CDH22: variants seen among roughly 807,000 people sequenced by gnomAD.
CDH22 encodes cadherin 22.
Under a neutral mutation model 58.4 loss-of-function variants are expected in CDH22, and 30 were observed. That is an observed-to-expected ratio of 0.51 (90% confidence interval 0.38 to 0.70). The LOEUF (loss-of-function observed/expected upper bound fraction) is 0.70, where lower values mean the gene tolerates loss of function less well. CDH22 is among the 30% of genes least tolerant of loss of function. The pLI is 0.00. For synonymous variants in CDH22, 513 were observed against 558.2 expected (o/e 0.92, Z 1.14); for missense variants, 1,014 against 1,233.9 (o/e 0.82, Z 2.67).
At position 46,291,222 on chromosome 20, in the gene CDH22, A is replaced by G. The variant is rs183449226; in HGVS notation, c.-400+17033T>C. 3.8e-3 allele frequency among the ~76,000 whole-genome samples: 573 copies of G among 152,352 alleles called. 8 individuals carry two copies. The highest frequency in any genetic ancestry group is 0.022 in the Admixed American group (343 of 15,300). On this transcript the variant is annotated intron_variant, in intron 1 of 11. Transcript: ENST00000537909. ...AACCTGGGAGGCAGAGGTTGCAGTG[A>G]GCAGAGATCGCGCCACTGCACTCCA...
At chr20:46,262,405 GC>G (rs1600720313) in intron 1 of CDH22, among the ~76,000 whole-genome samples, 1 of 151,962 alleles carries the variant, frequency 6.6e-6, no homozygotes, top group Non-Finnish European at 1.5e-5. Context: ...CCCCAGTCTT[GC>G]CCCCCGCCCC....
At chr20:46,250,993 G>A (rs1437946673) in intron 2 of CDH22, 47 bp downstream of exon 2, 7 of 1,170,534 alleles carry the variant, frequency 6.0e-6, no homozygotes, top group Non-Finnish European at 8.9e-6. Flanking sequence ...ACCCGTGGGT[G>A]TCCCCAGGGT....
chr20:46,286,543 G>T (rs1600727251), intron 1 of CDH22, among the ~76,000 whole-genome samples: 1 of 152,198 alleles, frequency 6.6e-6, no homozygotes, highest in African/African-American at 2.4e-5. Flanking sequence ...AGTGGCCGCT[G>T]TGCTGTGACA....
intron 1 of CDH22, among the ~76,000 whole-genome samples, chr20:46,275,068 TG>T (rs2086510906): frequency 6.6e-6 from 1 of 152,200 alleles, no homozygotes; most frequent in Non-Finnish European, 1.5e-5. Flanking sequence ...GTGCTTACAA[TG>T]GGTGAATTTT....
intron 4 of CDH22, 114 bp downstream of exon 4, chr20:46,227,394 T>A: frequency 9.6e-7 from 1 of 1,046,956 alleles, no homozygotes; most frequent in Non-Finnish European, 1.4e-6. Context: ...CCCTGTGCTG[T>A]CCTCAGAGCT....
chr20:46,200,450 T>C (rs1012654664), intron 7 of CDH22, among the ~76,000 whole-genome samples: 11 of 151,596 alleles, frequency 7.3e-5, no homozygotes, highest in Non-Finnish European at 1.3e-4. Flanking sequence ...AGCTAATTTT[T>C]TTTTTTTTTT....
intron 3 of CDH22, among the ~76,000 whole-genome samples, chr20:46,230,738 G>A (rs1180173434): frequency 6.6e-6 from 1 of 152,214 alleles, no homozygotes; most frequent in East Asian, 1.9e-4. Context: ...TGGAGGCTGA[G>A]TGAAGTTAAG....
At chr20:46,296,975 A>T (rs1331339027) in intron 1 of CDH22, among the ~76,000 whole-genome samples, 1 of 152,090 alleles carries the variant, frequency 6.6e-6, no homozygotes, top group Admixed American at 6.5e-5. Context: ...CTAAAAGCCC[A>T]CCCATGGTAC....
At chr20:46,286,585 C>T (rs1461441959) in intron 1 of CDH22, among the ~76,000 whole-genome samples, 1 of 151,646 alleles carries the variant, frequency 6.6e-6, no homozygotes, top group Non-Finnish European at 1.5e-5. Context: ...GCGCAGCCAG[C>T]CCCCGATCCG....
chr20:46,254,617 G>T lies in CDH22; in HGVS notation c.-399-2924C>A, dbSNP rs142055325. Reference sequence around the variant, plus strand: ...TCATGGAACTGACTTTCTGGTGGGGGACACAGATAATAGAGGAATTAATCT... The same window carrying T: ...TCATGGAACTGACTTTCTGGTGGGGTACACAGATAATAGAGGAATTAATCT... On this transcript the variant is annotated intron_variant, in intron 1 of 11. Transcript: ENST00000537909. Among the ~76,000 whole-genome samples, 939 of 151,968 alleles carry T rather than the reference G, an allele frequency of 6.2e-3. 11 individuals carry two copies. The highest frequency in any genetic ancestry group is 0.022 in the African/African-American group (902 of 41,398).
intron 10 of CDH22, among the ~76,000 whole-genome samples, chr20:46,186,281 C>T (rs2085824542): frequency 6.6e-6 from 1 of 151,774 alleles, no homozygotes. Context: ...TTACTTCAGT[C>T]TCCACTCAGA....
At chr20:46,239,395 C>T (rs2086274817) in intron 3 of CDH22, among the ~76,000 whole-genome samples, 1 of 152,198 alleles carries the variant, frequency 6.6e-6, no homozygotes, top group Non-Finnish European at 1.5e-5. Flanking sequence ...TGTGTGTGTA[C>T]ACCAGTCTGC....
At chr20:46,217,029 C>T (rs780898161) in intron 4 of CDH22, 36 bp from the exon 5 acceptor site, 2 of 1,564,868 alleles carry the variant, frequency 1.3e-6, no homozygotes, top group Non-Finnish European at 1.7e-6. Flanking sequence ...GGGCACCCCA[C>T]ACCACCTGCC....
intron 1 of CDH22, among the ~76,000 whole-genome samples, chr20:46,302,851 C>T (rs932561361): frequency 9.9e-5 from 15 of 152,110 alleles, no homozygotes; most frequent in Non-Finnish European, 2.1e-4. Flanking sequence ...CACAGCCTCC[C>T]GAGCCAGGAA....
chr20:46,209,743 A>G (rs1568659212), intron 7 of CDH22: 2 of 152,346 alleles, frequency 1.3e-5, no homozygotes, highest in Non-Finnish European at 2.9e-5. Context: ...GGAGGCAAGG[A>G]TGCCTCCAAC....
chr20:46,234,258 G>A (rs1244365889), intron 3 of CDH22, among the ~76,000 whole-genome samples: 1 of 152,226 alleles, frequency 6.6e-6, no homozygotes, highest in East Asian at 1.9e-4. Context: ...GAAGTTTTGT[G>A]CAAGAAATGA....
chr20:46,246,434 A>G (rs904956526), intron 2 of CDH22, among the ~76,000 whole-genome samples: 5 of 152,212 alleles, frequency 3.3e-5, no homozygotes, highest in Non-Finnish European at 7.3e-5. Context: ...TTTTTTTAAA[A>G]AATTAAAAAT....
At chr20:46,307,223 G>A (rs1270393801) in intron 1 of CDH22, among the ~76,000 whole-genome samples, 2 of 152,222 alleles carry the variant, frequency 1.3e-5, no homozygotes, top group African/African-American at 4.8e-5. Context: ...TTCTCTGCCC[G>A]CCACAAGGGG....
At position 46,174,187 on chromosome 20, in the gene CDH22, C is replaced by T; in HGVS notation, c.*319G>A. ...CTCCCTCCAGCATTCTCCCCCAGGC[C>T]AGGATTGAGTGACCCGCCCCTTCCC... is the stretch of plus-strand genomic sequence containing the variant. On this transcript the variant is annotated 3_prime_UTR_variant, in exon 12 of 12. Coordinates refer to ENST00000537909, the MANE Select transcript of CDH22 (RefSeq NM_021248.3). The surrounding 1 kb of genome is among the most constrained non-coding windows in gnomAD (Gnocchi z 4.4). 5.1e-6 allele frequency: 2 copies of T among 394,110 alleles called. No individual in the cohort carries two copies. Among genetic ancestry groups the T allele is most frequent in the Non-Finnish European group, 9.0e-6 (2 of 222,086 alleles). 24.4% of individuals were successfully genotyped at this position (394,110 alleles called of 1,614,324 possible).
Sources: gnomAD v4.1 joint callset for allele counts (sites outside exome capture counted in the v4.1 genomes callset) on GRCh38, gnomAD v4.1.1 for gene constraint, Gnocchi (gnomAD v3.1) non-coding constraint, MANE v1.5 for transcripts, NCBI Gene and HGNC (gene_info 2026-07-23, HGNC 2026-07-21) for gene names.